The following SLC4A10 variants were observed in gnomAD, a reference collection of about 807,000 sequenced individuals.
SLC4A10 encodes the protein solute carrier family 4 member 10.
A neutral mutation model predicts 137.7 loss-of-function variants in SLC4A10; 42 were observed. That is an observed-to-expected ratio of 0.30 (90% CI 0.24 to 0.39). The LOEUF (loss-of-function observed/expected upper bound fraction) is 0.39, where lower values mean the gene tolerates loss of function less well. Among genes scored for constraint, SLC4A10 ranks in the 10% least tolerant of loss-of-function variants. SLC4A10 has a pLI of 1.00. For synonymous variants in SLC4A10, 474 were observed against 464.1 expected (o/e 1.02, Z -0.27); for missense variants, 925 against 1,355.0 (o/e 0.68, Z 4.98).
At chr2:161,909,682 T>C (rs963533015) in intron 15 of SLC4A10, among the ~76,000 whole-genome samples, 5 of 151,854 alleles carry the variant, frequency 3.3e-5, no homozygotes, top group Admixed American at 1.3e-4. Context: ...CACTTGCTCC[T>C]TGGAGTAGCA....
intron 15 of SLC4A10, among the ~76,000 whole-genome samples, chr2:161,930,320 C>T (rs1690105295): frequency 6.6e-6 from 1 of 151,834 alleles, no homozygotes; most frequent in Non-Finnish European, 1.5e-5. Context: ...ATCTCTCCTA[C>T]CACTCAAAGG....
intron 1 of SLC4A10, among the ~76,000 whole-genome samples, chr2:161,727,307 C>A (rs1291419111): frequency 6.6e-6 from 1 of 152,146 alleles, no homozygotes; most frequent in Non-Finnish European, 1.5e-5. Context: ...AGTGTTCCCC[C>A]CAAAAAACAA....
chr2:161,870,517 C>T (rs1001525142), intron 6 of SLC4A10, among the ~76,000 whole-genome samples: 4 of 151,730 alleles, frequency 2.6e-5, no homozygotes, highest in African/African-American at 9.7e-5. Flanking sequence ...CTCAATTTTA[C>T]AGAACATTCA....
chr2:161,718,602 T>C (rs1169716274), intron 1 of SLC4A10, among the ~76,000 whole-genome samples: 1 of 152,162 alleles, frequency 6.6e-6, no homozygotes, highest in African/African-American at 2.4e-5. Context: ...CATGTAGTTG[T>C]GTAGTTTTGA....
intron 2 of SLC4A10, among the ~76,000 whole-genome samples, chr2:161,774,132 G>C (rs2125436562): frequency 6.6e-6 from 1 of 151,928 alleles, no homozygotes; most frequent in Admixed American, 6.6e-5. Flanking sequence ...TCTGTAATTA[G>C]ACAACTTCAG....
intron 5 of SLC4A10, among the ~76,000 whole-genome samples, chr2:161,860,069 G>A (rs553963433): frequency 1.6e-4 from 25 of 152,276 alleles, no homozygotes; most frequent in African/African-American, 6.0e-4. Flanking sequence ...CAATGTAAGT[G>A]ATTACTAATT....
At chr2:161,829,772 A>T (rs1310466142) in intron 3 of SLC4A10, among the ~76,000 whole-genome samples, 2 of 152,206 alleles carry the variant, frequency 1.3e-5, no homozygotes, top group Non-Finnish European at 2.9e-5. Context: ...AAAGAGGTTG[A>T]ATGGATCACA....
At chr2:161,874,217 A>G (rs2061328383) in intron 8 of SLC4A10, among the ~76,000 whole-genome samples, 1 of 152,210 alleles carries the variant, frequency 6.6e-6, no homozygotes, top group Non-Finnish European at 1.5e-5. Context: ...CTTAATTTGA[A>G]ATGATCTTAA....
chr2:161,846,950 A>T (rs574325175), intron 4 of SLC4A10, among the ~76,000 whole-genome samples: 1 of 152,072 alleles, frequency 6.6e-6, no homozygotes, highest in Non-Finnish European at 1.5e-5. Context: ...CATAGAATGG[A>T]GGCAGGGCAT....
chr2:161,704,357 C>T (rs2043430596), intron 1 of SLC4A10, among the ~76,000 whole-genome samples: 1 of 151,482 alleles, frequency 6.6e-6, no homozygotes, highest in South Asian at 2.1e-4. Context: ...ATGATTTTTT[C>T]AAAGTTTAGT....
intron 1 of SLC4A10, among the ~76,000 whole-genome samples, chr2:161,767,685 G>C (rs1274444929): frequency 6.6e-6 from 1 of 151,920 alleles, no homozygotes; most frequent in Non-Finnish European, 1.5e-5. Context: ...TATCTGTTCT[G>C]ATTATCCACA....
chr2:161,699,541 A>G (rs867997603), intron 1 of SLC4A10, among the ~76,000 whole-genome samples: 8 of 152,308 alleles, frequency 5.3e-5, no homozygotes, highest in Middle Eastern at 3.4e-3. Flanking sequence ...TTGCCAGTGT[A>G]TTTATTAGGT....
At chr2:161,923,975 T>G (rs1366034220) in intron 15 of SLC4A10, among the ~76,000 whole-genome samples, 1 of 152,152 alleles carries the variant, frequency 6.6e-6, no homozygotes, top group East Asian at 1.9e-4. Context: ...ATAGGAAACC[T>G]GGCTGGAGAC....
intron 1 of SLC4A10, among the ~76,000 whole-genome samples, chr2:161,671,281 T>C (rs950188625): frequency 2.0e-5 from 3 of 152,122 alleles, no homozygotes; most frequent in African/African-American, 7.2e-5. Flanking sequence ...AGGAGCCATA[T>C]TGGAAGCAGA....
intron 1 of SLC4A10, among the ~76,000 whole-genome samples, chr2:161,653,072 A>G (rs1464362124): frequency 6.6e-6 from 1 of 151,290 alleles, no homozygotes; most frequent in African/African-American, 2.4e-5. Flanking sequence ...TCATTGTTCA[A>G]CTCCCACTTA....
intron 1 of SLC4A10, among the ~76,000 whole-genome samples, chr2:161,740,248 T>G (rs1298387361): frequency 6.6e-6 from 1 of 152,282 alleles, no homozygotes; most frequent in Non-Finnish European, 1.5e-5. Context: ...GAAAGGTACT[T>G]ATAGGGCACT....
intron 1 of SLC4A10, among the ~76,000 whole-genome samples, chr2:161,679,520 T>C (rs1159846976): frequency 6.6e-6 from 1 of 152,104 alleles, no homozygotes. Context: ...AAATAGACTG[T>C]AAGTAGTGTA....
At chr2:161,866,828 A>C (rs183490474) in intron 6 of SLC4A10, among the ~76,000 whole-genome samples, 1 of 151,942 alleles carries the variant, frequency 6.6e-6, no homozygotes, top group East Asian at 1.9e-4. Context: ...TGGGATTATA[A>C]ATCTATTATA....
chr2:161,753,401 G>A (rs2049205299), intron 1 of SLC4A10, among the ~76,000 whole-genome samples: 3 of 152,090 alleles, frequency 2.0e-5, no homozygotes, highest in Admixed American at 6.6e-5. Context: ...AAAATAGCCT[G>A]ACTCAATTTT....
Sources: gnomAD v4.1 joint callset for allele counts (sites outside exome capture counted in the v4.1 genomes callset) on GRCh38, gnomAD v4.1.1 for gene constraint, MANE v1.5 for transcripts, NCBI Gene and HGNC (gene_info 2026-07-23, HGNC 2026-07-21) for gene names.